The following MYCBP2 variants were observed in gnomAD, a reference collection of about 807,000 sequenced individuals.
MYCBP2 encodes the protein MYC binding protein 2.
Under a neutral mutation model 525.3 loss-of-function variants are expected in MYCBP2, and 120 were observed. That is an observed-to-expected ratio of 0.23 (90% CI 0.20 to 0.27). The LOEUF (loss-of-function observed/expected upper bound fraction) is 0.27. MYCBP2 is among the 10% of genes least tolerant of loss of function. The pLI is 1.00. For synonymous variants in MYCBP2, 1,894 were observed against 1,955.8 expected (o/e 0.97, Z 0.83); for missense variants, 4,149 against 5,657.1 (o/e 0.73, Z 8.55).
At chr13:77,199,614 A>G (rs2062213420) in intron 26 of MYCBP2, among the ~76,000 whole-genome samples, 1 of 152,240 alleles carries the variant, frequency 6.6e-6, no homozygotes, top group Admixed American at 6.5e-5. Flanking sequence ...AAAAGACAGC[A>G]GTAACCTCTG....
chr13:77,176,162 A>C (rs899356287), intron 36 of MYCBP2, among the ~76,000 whole-genome samples: 1 of 152,026 alleles, frequency 6.6e-6, no homozygotes, highest in Non-Finnish European at 1.5e-5. Flanking sequence ...TGCAGGTATT[A>C]TTCTTCCCAA....
chr13:77,288,428 T>C (rs753749692), intron 2 of MYCBP2, 52 bp from the exon 3 acceptor site: 43 of 1,452,042 alleles, frequency 3.0e-5, no homozygotes, highest in Non-Finnish European at 4.0e-5. Context: ...TATCATCAAG[T>C]CCCATTTTAC....
At chr13:77,163,437 GA>G (rs1373139709) in intron 43 of MYCBP2, among the ~76,000 whole-genome samples, 1 of 151,868 alleles carries the variant, frequency 6.6e-6, no homozygotes, top group African/African-American at 2.4e-5. Flanking sequence ...GAAAAGGGAG[GA>G]AAAAAATAAC....
chr13:77,191,556 A>G (rs1190022271), intron 28 of MYCBP2, 123 bp downstream of exon 28: 2 of 1,111,126 alleles, frequency 1.8e-6, no homozygotes, highest in Admixed American at 2.9e-5. Context: ...AATTTTTAGC[A>G]GTTATATTAT....
chr13:77,289,384 G>T (rs1458822188), intron 2 of MYCBP2, among the ~76,000 whole-genome samples: 1 of 151,948 alleles, frequency 6.6e-6, no homozygotes, highest in Non-Finnish European at 1.5e-5. Context: ...ACCAACTGAG[G>T]TTTAACCCAG....
At position 77,260,537 on chromosome 13, in the gene MYCBP2, T is replaced by C; in HGVS notation, c.1908A>G (p.Glu636=). 6.2e-7 allele frequency: 1 copy of C among 1,610,716 alleles called. No individual in the cohort carries two copies. The highest frequency in any genetic ancestry group is 8.5e-7 in the Non-Finnish European group (1 of 1,178,852). Residue 636 remains glutamate, a synonymous_variant, in exon 13 of 83, where the codon GAA becomes GAG. Transcript: ENST00000544440. ...AGGCTGTATATACCACAATCTTTCC[T>C]TCCATCTTAATTATCTTTTTAGGTT... ...PYKPKKIIKM[E]GKIVVYTACN...
In MYCBP2 at chr13:77,139,286, C is replaced by T; in HGVS notation, c.7569G>A (p.Lys2523=). Residue 2523 remains lysine, a synonymous_variant, in exon 52 of 83, where the codon AAG becomes AAA. Coordinates refer to ENST00000544440, the MANE Select transcript of MYCBP2 (RefSeq NM_015057.5). ...VWLRLNDETI[K]KYVPNMNGYT... is the part of the protein sequence containing the mutation. ...AACCATTCATGTTAGGGACATACTT[C>T]TTTATTGTCTCATCATTCAGCCTCA... 1.2e-6 allele frequency: 2 copies of T among 1,613,880 alleles called. No homozygotes were observed. The highest frequency in any genetic ancestry group is 1.7e-6 in the Non-Finnish European group (2 of 1,179,818).
intron 44 of MYCBP2, among the ~76,000 whole-genome samples, chr13:77,158,358 T>A (rs2057463218): frequency 6.6e-6 from 1 of 152,154 alleles, no homozygotes; most frequent in South Asian, 2.1e-4. Context: ...CTGGATAAAA[T>A]GGTGTATCTC....
chr13:77,186,176 C>T (rs2060695435), intron 30 of MYCBP2, 113 bp from the exon 31 acceptor site: 1 of 763,936 alleles, frequency 1.3e-6, no homozygotes, highest in Non-Finnish European at 1.9e-6. Flanking sequence ...AATTTTTTTA[C>T]TGAGTTTTTT....
chr13:77,116,815 A>C (rs892062129), intron 55 of MYCBP2, among the ~76,000 whole-genome samples: 1 of 152,042 alleles, frequency 6.6e-6, no homozygotes, highest in Non-Finnish European at 1.5e-5. Flanking sequence ...TATTGTTTTG[A>C]AATATTTTAT....
At chr13:77,093,489 C>G (rs564482349) in intron 58 of MYCBP2, among the ~76,000 whole-genome samples, 157 bp from the exon 59 acceptor site, 1 of 152,268 alleles carries the variant, frequency 6.6e-6, no homozygotes, top group African/African-American at 2.4e-5. Flanking sequence ...AAATAAAAGT[C>G]TGATAATTTT....
intron 13 of MYCBP2, among the ~76,000 whole-genome samples, 159 bp from the exon 14 acceptor site, chr13:77,257,988 C>T (rs904522101): frequency 6.6e-6 from 1 of 152,144 alleles, no homozygotes; most frequent in African/African-American, 2.4e-5. Flanking sequence ...ACTGAATTAA[C>T]TTTGTAACTT....
At chr13:77,225,834 G>T (rs1346846364) in intron 18 of MYCBP2, among the ~76,000 whole-genome samples, 1 of 152,084 alleles carries the variant, frequency 6.6e-6, no homozygotes, top group Non-Finnish European at 1.5e-5. Flanking sequence ...GGGTCATTAA[G>T]TTATAGAAAT....
At chr13:77,167,186 T>G (rs2058645741) in intron 40 of MYCBP2, among the ~76,000 whole-genome samples, 1 of 152,128 alleles carries the variant, frequency 6.6e-6, no homozygotes, top group Non-Finnish European at 1.5e-5. Context: ...TAAAAAACTA[T>G]ACACATAAAT....
In MYCBP2 at chr13:77,097,756, C is replaced by A. The variant is rs139220239; in HGVS notation, c.9398G>T (p.Cys3133Phe). Residue 3133 changes from cysteine to phenylalanine, a missense_variant, in exon 56 of 83, where the codon TGT becomes TTT. Coordinates refer to ENST00000544440, the MANE Select transcript of MYCBP2 (RefSeq NM_015057.5). ...MLKEPPLHEKCEDGKTETTFE... is the reference protein window; with the variant it reads ...MLKEPPLHEKFEDGKTETTFE... ...AGTGGTCTCGGTTTTCCCATCCTCA[C>A]ATTTTTCATGCAGAGGTGGTTCCTT... is the stretch of plus-strand genomic sequence containing the variant. 8 of 1,613,516 alleles carry A rather than the reference C, an allele frequency of 5.0e-6. No homozygotes were observed. In the Admixed American group the frequency reaches 6.7e-5, roughly 13 times the overall value.
intron 4 of MYCBP2, among the ~76,000 whole-genome samples, chr13:77,275,499 A>G (rs1361734182): frequency 6.6e-6 from 1 of 151,972 alleles, no homozygotes; most frequent in Non-Finnish European, 1.5e-5. Flanking sequence ...TCTAAATCTC[A>G]TATGTCACAT....
chr13:77,163,000 G>C (rs1268979883), intron 43 of MYCBP2, among the ~76,000 whole-genome samples: 1 of 152,106 alleles, frequency 6.6e-6, no homozygotes, highest in Admixed American at 6.5e-5. Flanking sequence ...TCTGCAACTT[G>C]CTTTTCTCAA....
At chr13:77,207,484 T>C (rs1198609176) in intron 23 of MYCBP2, among the ~76,000 whole-genome samples, 5 of 152,306 alleles carry the variant, frequency 3.3e-5, no homozygotes, top group South Asian at 4.1e-4. Flanking sequence ...TTAATAACTA[T>C]AGAGTCTCAG....
At chr13:77,303,512 A>T (rs2079037016) in intron 1 of MYCBP2, among the ~76,000 whole-genome samples, 1 of 152,230 alleles carries the variant, frequency 6.6e-6, no homozygotes, top group Non-Finnish European at 1.5e-5. Flanking sequence ...ACTGAATGAT[A>T]AGGTAATTCT....
Sources: gnomAD v4.1 joint callset for allele counts (sites outside exome capture counted in the v4.1 genomes callset) on GRCh38, gnomAD v4.1.1 for gene constraint, MANE v1.5 for transcripts, NCBI Gene and HGNC (gene_info 2026-07-23, HGNC 2026-07-21) for gene names.